The following RAD51AP2 variants were observed in gnomAD, a reference collection of about 807,000 sequenced individuals.
RAD51AP2 encodes the protein RAD51 associated protein 2.
A neutral mutation model predicts 85.5 loss-of-function variants in RAD51AP2; 67 were observed. The observed-to-expected ratio is 0.78, with a 90% CI of 0.64 to 0.96. The LOEUF (loss-of-function observed/expected upper bound fraction) is 0.96, where lower values mean the gene tolerates loss of function less well. Among genes scored for constraint, RAD51AP2 ranks in the 40% least tolerant of loss-of-function variants. RAD51AP2 has a pLI of 0.00. For synonymous variants in RAD51AP2, 474 were observed against 446.5 expected, an observed-to-expected ratio of 1.06 and a Z score of -0.78; for missense variants, 1,307 against 1,332.4, an observed-to-expected ratio of 0.98 and a Z score of 0.30.
chr2:17,534,807 T>C, the RAD51AP2 span, among the ~76,000 whole-genome samples: 1 of 152,198 alleles, frequency 6.6e-6, no homozygotes, highest in African/African-American at 2.4e-5. Flanking sequence ...AATAAATGCT[T>C]TTAAATACTT....
At chr2:17,535,430 T>C in the RAD51AP2 span, among the ~76,000 whole-genome samples, 1 of 152,194 alleles carries the variant, frequency 6.6e-6, no homozygotes, top group African/African-American at 2.4e-5. Flanking sequence ...GTTAATGATT[T>C]TATTCAAGGA....
upstream of RAD51AP2, among the ~76,000 whole-genome samples, chr2:17,519,556 A>G (rs1662811649): frequency 6.6e-6 from 1 of 152,188 alleles, no homozygotes; most frequent in Non-Finnish European, 1.5e-5. Context: ...AGATGGCAAT[A>G]TATAACTAGC....
rs1268676475 is a variant in RAD51AP2, at chr2:17,515,467, C to G, written c.2949G>C (p.Arg983Ser). Reference protein sequence around the residue: ...EELRMFHEISRENELLSTVET... With the variant: ...EELRMFHEISSENELLSTVET... ...CCACAGTGCTTAGAAGTTCATTTTC[C>G]CTACTAATTTCATGAAACATACGAA... The change falls in exon 1 of 3, where the codon AGG becomes AGC. Residue 983 changes from arginine (R) to serine (S), a missense_variant. Around this residue, in one of 3 missense-constraint regions of RAD51AP2, gnomAD observed 668 missense variants for 671.0 expected, o/e 1.00. Coordinates refer to ENST00000399080, the MANE Select transcript of RAD51AP2 (RefSeq NM_001099218.3). The G allele has an allele frequency of 1.6e-5, 26 of 1,613,252 alleles. No individual in the cohort carries two copies. The highest frequency in any genetic ancestry group is 2.1e-5 in the Non-Finnish European group (25 of 1,179,780).
chr2:17,510,597 C>A lies in RAD51AP2; in HGVS notation c.*207G>T. ...CAACATGTTTTATCCAATAATGAAA[C>A]GGCTTTAATGTGTACATTTTTATAT... On this transcript the variant is annotated 3_prime_UTR_variant, in exon 3 of 3. Transcript: ENST00000399080. The A allele has an allele frequency of 3.1e-6, 1 of 326,312 alleles. No individual in the cohort carries two copies. The highest frequency in any genetic ancestry group is 5.5e-6 in the Non-Finnish European group (1 of 182,190). The allele number at this position is 326,312 out of a possible 1,614,324, so 20.2% of individuals were successfully genotyped here.
Position 17,516,267 on chromosome 2 carries a change from CTTG to C in RAD51AP2, c.2146_2148del (p.Gln716del), listed in dbSNP as rs1662662474. The C allele has an allele frequency of 6.2e-7, 1 of 1,610,888 alleles. No individual in the cohort carries two copies. The highest frequency in any genetic ancestry group is 1.1e-5 in the South Asian group (1 of 90,122). On this transcript the variant is annotated inframe_deletion, in exon 1 of 3. Transcript: ENST00000399080. ...TGAGCCCAATTTTCCACATTCACAA[CTTG>C]TTGAGGACAACTCATATTCTGACAA...
At chr2:17,523,422 CT>C (rs1024348494), upstream of RAD51AP2, among the ~76,000 whole-genome samples, 5 of 151,586 alleles carry the variant, frequency 3.3e-5, no homozygotes, top group Non-Finnish European at 7.4e-5. Context: ...CAGATCAGAG[CT>C]TTTTTTTCTA....
chr2:17,515,989 A>C lies in RAD51AP2; in HGVS notation c.2427T>G (p.Thr809=). 1.9e-6 allele frequency: 3 copies of C among 1,613,004 alleles called. No individual in the cohort carries two copies. The highest frequency in any genetic ancestry group is 2.5e-6 in the Non-Finnish European group (3 of 1,179,700). The part of the protein sequence containing the change: ...NIIHNEETHT[T]SITQVLNFWN... ...AAAAATTTAGTACTTGAGTTATAGAAGTGGTATGGGTCTCTTCATTATGTA... is the reference window on the plus strand; with the variant it reads ...AAAAATTTAGTACTTGAGTTATAGACGTGGTATGGGTCTCTTCATTATGTA... Residue 809 remains threonine (T), a synonymous_variant, in exon 1 of 3, where the codon ACT becomes ACG. Transcript: ENST00000399080.
At chr2:17,523,088 ACACAGC>A (rs1662891375), upstream of RAD51AP2, among the ~76,000 whole-genome samples, 1 of 151,896 alleles carries the variant, frequency 6.6e-6, no homozygotes, top group African/African-American at 2.4e-5. Context: ...TTTTTCTGAG[ACACAGC>A]TTCCCATAAA....
the RAD51AP2 span, among the ~76,000 whole-genome samples, chr2:17,535,436 A>G: frequency 6.6e-6 from 1 of 152,202 alleles, no homozygotes; most frequent in Non-Finnish European, 1.5e-5. Context: ...GATTTTATTC[A>G]AGGAAGTGAC....
At chr2:17,518,481 G>A, upstream of RAD51AP2, 1 of 1,546,054 alleles carries the variant, frequency 6.5e-7, no homozygotes, top group Non-Finnish European at 8.7e-7. Flanking sequence ...GGCGGTTCCG[G>A]GCCGCTCTGG....
rs1339655496 is a variant in RAD51AP2 at position 17,517,674 on chromosome 2, G to T, written c.742C>A (p.Pro248Thr). 1 of 1,613,496 alleles carries T rather than the reference G, an allele frequency of 6.2e-7. No individual in the cohort carries two copies. The highest frequency in any genetic ancestry group is 1.7e-5 in the Admixed American group (1 of 59,926). Residue 248 changes from proline (P) to threonine (T), a missense_variant, in exon 1 of 3, where the codon CCT (proline) becomes ACT (threonine). Around this residue, in one of 3 missense-constraint regions of RAD51AP2, gnomAD observed 635 missense variants for 643.6 expected, o/e 0.99. Transcript: ENST00000399080. ...GTGCCGCTATCTCTAAAATAGCTAG[G>T]TTTGGCAATTTCCAAGCTGGGCTGG... Reference protein sequence around the residue: ...QNQPSLEIAKPSYFRDSGTIS... With the variant: ...QNQPSLEIAKTSYFRDSGTIS...
upstream of RAD51AP2, chr2:17,518,517 AC>A (rs1662777642): frequency 7.0e-6 from 10 of 1,435,338 alleles, no homozygotes; most frequent in Non-Finnish European, 9.4e-6. Flanking sequence ...GCCCCTCAAG[AC>A]CTGGCCTTAG....
chr2:17,528,642 C>T, the RAD51AP2 span, among the ~76,000 whole-genome samples: 6 of 151,864 alleles, frequency 4.0e-5, no homozygotes, highest in African/African-American at 7.3e-5. Flanking sequence ...CAGGAGTTCA[C>T]GACCAGCCTG....
chr2:17,515,573 G>T lies in RAD51AP2; in HGVS notation c.2843C>A (p.Ala948Asp), dbSNP rs1662631384. The T allele has an allele frequency of 6.2e-7, 1 of 1,608,140 alleles. No individual in the cohort carries two copies. The highest frequency in any genetic ancestry group is 1.3e-5 in the African/African-American group (1 of 74,454). ...GNDECFQDLA[A>D]KYLSTEALTI... The stretch of plus-strand genomic sequence containing the variant: ...CAGAGCTTCTGTTGATAAATATTTA[G>T]CAGCTAAGTCCTGAAAACATTCATC... The change falls in exon 1 of 3, where the codon GCT becomes GAT. Residue 948 changes from alanine (A) to aspartate (D), a missense_variant. Ala to Asp is a moderately radical substitution (Grantham distance 126, BLOSUM62 -2). Coordinates refer to ENST00000399080, the MANE Select transcript of RAD51AP2 (RefSeq NM_001099218.3).
the RAD51AP2 span, among the ~76,000 whole-genome samples, chr2:17,528,207 T>C: frequency 6.6e-6 from 1 of 152,314 alleles, no homozygotes; most frequent in African/African-American, 2.4e-5. Flanking sequence ...TATTGCAAGG[T>C]GGCAAAATTT....
chr2:17,533,676 G>A, the RAD51AP2 span, among the ~76,000 whole-genome samples: 186 of 152,334 alleles, frequency 1.2e-3, 1 homozygote, highest in African/African-American at 4.4e-3. Flanking sequence ...CACACTGGGA[G>A]GTGAAAGCAG....
At chr2:17,537,445 A>C in the RAD51AP2 span, among the ~76,000 whole-genome samples, 1 of 152,238 alleles carries the variant, frequency 6.6e-6, no homozygotes, top group Admixed American at 6.5e-5. Flanking sequence ...GTAAATTACT[A>C]TCATTATTCT....
Position 17,517,591 on chromosome 2 carries a change from T to A in RAD51AP2, c.825A>T (p.Leu275Phe), listed in dbSNP as rs200498478. 2.5e-6 allele frequency: 4 copies of A among 1,613,950 alleles called. No homozygotes were observed. The African/African-American group carries it at 5.3e-5, about 22-fold the overall frequency. Residue 275 changes from leucine to phenylalanine, a missense_variant, in exon 1 of 3, where the codon TTA (leucine) becomes TTT (phenylalanine). Coordinates refer to ENST00000399080, the MANE Select transcript of RAD51AP2 (RefSeq NM_001099218.3). ...DLNSKMSSVY[L>F]KEIAKKKNDK... is the part of the protein sequence containing the mutation. Reference sequence around the variant, plus strand: ...CATTCTTTTTCTTCGCTATTTCCTTTAAATAGACAGAGGACATTTTGCTAT... The same window carrying A: ...CATTCTTTTTCTTCGCTATTTCCTTAAAATAGACAGAGGACATTTTGCTAT...
chr2:17,520,923 C>A (rs774233107), upstream of RAD51AP2, among the ~76,000 whole-genome samples: 3 of 152,118 alleles, frequency 2.0e-5, no homozygotes, highest in Admixed American at 6.5e-5. Flanking sequence ...AGCTTCTCTT[C>A]CTCCTCCCTG....
Sources: gnomAD v4.1 joint callset for allele counts (sites outside exome capture counted in the v4.1 genomes callset) on GRCh38, gnomAD v4.1.1 for gene constraint, gnomAD v4.1.1 regional missense constraint, MANE v1.5 for transcripts, NCBI Gene and HGNC (gene_info 2026-07-23, HGNC 2026-07-21) for gene names.